Variants in PCDH15 observed in about 807,000 individuals in gnomAD.
PCDH15 encodes protocadherin-15.
In PCDH15, 129 loss-of-function variants were observed where a neutral mutation model predicts 178.5. The ratio of observed to expected loss-of-function variants is 0.72; its 90% confidence interval spans 0.63 to 0.84. The LOEUF (loss-of-function observed/expected upper bound fraction) is 0.84, where lower values mean the gene tolerates loss of function less well. PCDH15 is among the 40% of genes least tolerant of loss of function. The probability of loss-of-function intolerance (pLI) is 0.00; values close to 1 mark genes in which losing one functional copy is unlikely to be tolerated. For missense variants in PCDH15, 2,230 were observed against 2,099.9 expected (o/e 1.06, Z -1.21); for synonymous variants, 800 against 732.0 (o/e 1.09, Z -1.50).
chr10:54,778,706 TC>T (rs1949963187), intron 1 of PCDH15, among the ~76,000 whole-genome samples: 1 of 152,164 alleles, frequency 6.6e-6, no homozygotes, highest in Non-Finnish European at 1.5e-5. Flanking sequence ...TAAAAGAGTT[TC>T]TCTTTAAATA....
intron 2 of PCDH15, among the ~76,000 whole-genome samples, chr10:54,628,725 A>G (rs1221385916): frequency 1.3e-5 from 2 of 152,168 alleles, no homozygotes; most frequent in Non-Finnish European, 2.9e-5. Context: ...GGATAGATCA[A>G]TAATATGACA....
At chr10:54,785,631 T>C (rs563594204) in intron 1 of PCDH15, among the ~76,000 whole-genome samples, 1 of 151,954 alleles carries the variant, frequency 6.6e-6, no homozygotes, top group Non-Finnish European at 1.5e-5. Flanking sequence ...GGTAGCAACA[T>C]GAACGCAAAT....
At chr10:54,899,062 A>G (rs1226624732) in intron 2 of PCDH15, among the ~76,000 whole-genome samples, 1 of 152,166 alleles carries the variant, frequency 6.6e-6, no homozygotes. Flanking sequence ...AGCTATCATA[A>G]AAGTAACGAT....
chr10:54,021,421 G>A (rs718309), intron 19 of PCDH15, among the ~76,000 whole-genome samples: 88,208 of 151,752 alleles, frequency 0.58, 26,136 homozygotes, highest in Middle Eastern at 0.77. Context: ...TTATTATGTG[G>A]TTTTTCCTGC....
intron 16 of PCDH15, among the ~76,000 whole-genome samples, chr10:54,079,880 T>C (rs1001114947): frequency 1.3e-5 from 2 of 152,170 alleles, no homozygotes; most frequent in Admixed American, 6.5e-5. Context: ...AAATGTTATC[T>C]CTGACAAACT....
intron 20 of PCDH15, among the ~76,000 whole-genome samples, chr10:54,006,620 C>T (rs972981966): frequency 4.6e-5 from 7 of 152,134 alleles, no homozygotes; most frequent in East Asian, 1.9e-4. Flanking sequence ...ATCAGTAGCA[C>T]GTAACTGCCT....
At chr10:55,302,645 C>T (rs990469322) in intron 1 of PCDH15, among the ~76,000 whole-genome samples, 10 of 152,144 alleles carry the variant, frequency 6.6e-5, no homozygotes, top group African/African-American at 2.4e-4. Context: ...TACTCAAACT[C>T]TGCTGATTTA....
intron 3 of PCDH15, among the ~76,000 whole-genome samples, chr10:54,808,353 C>T (rs1256360756): frequency 6.6e-6 from 1 of 152,170 alleles, no homozygotes; most frequent in Admixed American, 6.5e-5. Context: ...ATGTGTTAGA[C>T]ATTTCCAAAT....
intron 2 of PCDH15, among the ~76,000 whole-genome samples, chr10:55,065,394 G>A (rs4472838): frequency 0.067 from 10,221 of 151,876 alleles, 453 homozygotes; most frequent in African/African-American, 0.11. Context: ...TTCAGGTTTC[G>A]GTTCAAAGGT....
At chr10:53,815,390 A>C (rs1045810505) in intron 35 of PCDH15, among the ~76,000 whole-genome samples, 2 of 152,218 alleles carry the variant, frequency 1.3e-5, no homozygotes, top group African/African-American at 4.8e-5. Context: ...ATTGATGTTC[A>C]GCAGATGTGT....
intron 3 of PCDH15, among the ~76,000 whole-genome samples, chr10:54,865,955 CA>C: frequency 6.6e-6 from 1 of 152,146 alleles, no homozygotes; most frequent in Non-Finnish European, 1.5e-5. Context: ...TCTAATGAAA[CA>C]AGGTTTGAAA....
intron 2 of PCDH15, among the ~76,000 whole-genome samples, chr10:55,029,253 T>C (rs1037258549): frequency 1.3e-5 from 2 of 152,056 alleles, no homozygotes; most frequent in Admixed American, 1.3e-4. Flanking sequence ...TTGTTCCCTT[T>C]ACATATCCCA....
chr10:55,430,951 A>C (rs930037169), intron 2 of PCDH15, among the ~76,000 whole-genome samples: 1 of 152,210 alleles, frequency 6.6e-6, no homozygotes, highest in Non-Finnish European at 1.5e-5. Context: ...ACTCCACATC[A>C]AGATTAACTC....
intron 2 of PCDH15, among the ~76,000 whole-genome samples, chr10:55,620,706 A>C (rs1371449834): frequency 6.6e-6 from 1 of 151,782 alleles, no homozygotes; most frequent in Non-Finnish European, 1.5e-5. Flanking sequence ...ATGAAGTACT[A>C]GGTTTTCAAG....
At chr10:53,822,748 A>T (rs764343317) in intron 32 of PCDH15, 6 of 1,614,104 alleles carry the variant, frequency 3.7e-6, no homozygotes. Context: ...CAAAATGAAG[A>T]GTCTGAAGAG....
At chr10:54,059,187 C>T (rs1007091399) in intron 18 of PCDH15, among the ~76,000 whole-genome samples, 1 of 152,146 alleles carries the variant, frequency 6.6e-6, no homozygotes, top group Non-Finnish European at 1.5e-5. Flanking sequence ...TTTTACTTAA[C>T]ATAATAACCT....
At position 54,289,633 on chromosome 10, in the gene PCDH15, G is replaced by T. The variant is rs188433936; in HGVS notation, c.876+27638C>A. ...GGAGCAAGTTTGAACCCATTGCAAG[G>T]AAGCTAAAATCCTTGAAAAATGGTT... On this transcript the variant is annotated intron_variant, in intron 8 of 37. Transcript: ENST00000644397. 3.2e-3 allele frequency among the ~76,000 whole-genome samples: 483 copies of T among 152,250 alleles called. 6 individuals carry two copies. The highest frequency in any genetic ancestry group is 9.0e-3 in the African/African-American group (372 of 41,548).
intron 2 of PCDH15, among the ~76,000 whole-genome samples, chr10:55,053,248 T>C (rs908023038): frequency 2.0e-5 from 3 of 152,216 alleles, no homozygotes; most frequent in African/African-American, 7.2e-5. Context: ...ATATGATAGA[T>C]ATCTTAGCAC....
chr10:55,582,889 T>C (rs1842651663), intron 2 of PCDH15, among the ~76,000 whole-genome samples: 1 of 151,916 alleles, frequency 6.6e-6, no homozygotes, highest in Admixed American at 6.6e-5. Flanking sequence ...ATGTTAGATT[T>C]TGATAGTTTA....
Sources: allele counts gnomAD v4.1 joint callset (sites outside exome capture counted in the v4.1 genomes callset), GRCh38; gene constraint gnomAD v4.1.1; transcripts MANE v1.5; gene names NCBI Gene and HGNC (gene_info 2026-07-23, HGNC 2026-07-21).